FAM163B: variants seen among roughly 807,000 people sequenced by gnomAD.
FAM163B encodes protein FAM163B.
Under a neutral mutation model 7.6 loss-of-function variants are expected in FAM163B, and 4 were observed. The ratio of observed to expected loss-of-function variants is 0.52; its 90% CI spans 0.26 to 1.20. The LOEUF (loss-of-function observed/expected upper bound fraction) is 1.20, where lower values mean the gene tolerates loss of function less well. FAM163B is among the 50% of genes most tolerant of loss of function. FAM163B has a pLI of 0.14. For missense variants in FAM163B, 250 were observed against 243.0 expected (o/e 1.03, Z -0.19); for synonymous variants, 120 against 111.6 (o/e 1.07, Z -0.47).
rs1588318260 is a variant in FAM163B, at chr9:133,578,026, T to C, written c.*996A>G. ...TGCAACTCTGTCTCCCTTGGGGATCTCAGTTCCTGTTGAGACCCACAGCCT... is the reference window on the plus strand; with the variant it reads ...TGCAACTCTGTCTCCCTTGGGGATCCCAGTTCCTGTTGAGACCCACAGCCT... On this transcript the variant is annotated 3_prime_UTR_variant, in exon 3 of 3. Coordinates refer to ENST00000673969, the MANE Select transcript of FAM163B (RefSeq NM_001080515.3). Among the ~76,000 whole-genome samples the C allele has an allele frequency of 6.6e-6, 1 of 152,118 alleles. No individual in the cohort carries two copies. The highest frequency in any genetic ancestry group is 2.4e-5 in the African/African-American group (1 of 41,418).
chr9:133,582,056 T>C (rs1422271263), intron 1 of FAM163B, among the ~76,000 whole-genome samples: 1 of 152,232 alleles, frequency 6.6e-6, no homozygotes, highest in Non-Finnish European at 1.5e-5. Context: ...TACCCTAGCA[T>C]GCGGCCTGCA....
Position 133,600,286 on chromosome 9 carries a change from T to C in FAM163B, c.-24+8791A>G, listed in dbSNP as rs1275980734. Among the ~76,000 whole-genome samples, 2 of 150,964 alleles carry C rather than the reference T, an allele frequency of 1.3e-5. No individual in the cohort carries two copies. The highest frequency in any genetic ancestry group is 3.0e-5 in the Non-Finnish European group (2 of 67,672). ...GTGTGTGTGTGTGTGTGTGTGTGTGTGTGTGTGTGTAGTGCTGAGAGTGGA... is the reference window on the plus strand; with the variant it reads ...GTGTGTGTGTGTGTGTGTGTGTGTGCGTGTGTGTGTAGTGCTGAGAGTGGA... On this transcript the variant is annotated intron_variant, in intron 1 of 2. Transcript: ENST00000673969. This position sits in a 1 kb window ranked among gnomAD's most constrained non-coding sequence, Gnocchi z 4.9.
At chr9:133,599,161 G>T (rs1307854302) in intron 1 of FAM163B, among the ~76,000 whole-genome samples, 2 of 152,124 alleles carry the variant, frequency 1.3e-5, no homozygotes, top group Non-Finnish European at 2.9e-5. Flanking sequence ...GCCTTTAAAT[G>T]CCTCACCTGC....
At position 133,600,562 on chromosome 9, in the gene FAM163B, G is replaced by A. The variant is rs1447265451; in HGVS notation, c.-24+8515C>T. The stretch of plus-strand genomic sequence containing the variant: ...AAAGCTGGGCCCAGCTTGTTCCCTG[G>A]AGCTTTCGATGGGGTCTGCAGTGGG... On this transcript the variant is annotated intron_variant, in intron 1 of 2. Transcript: ENST00000673969. This position sits in a 1 kb window ranked among gnomAD's most constrained non-coding sequence, Gnocchi z 4.9. Among the ~76,000 whole-genome samples the A allele has an allele frequency of 2.0e-5, 3 of 152,076 alleles. No individual in the cohort carries two copies. The highest frequency in any genetic ancestry group is 7.2e-5 in the African/African-American group (3 of 41,392).
At chr9:133,599,275 A>T (rs1382044460) in intron 1 of FAM163B, among the ~76,000 whole-genome samples, 1 of 152,152 alleles carries the variant, frequency 6.6e-6, no homozygotes, top group Admixed American at 6.5e-5. Flanking sequence ...CTCAGCTCTC[A>T]GCTCAGACGT....
At chr9:133,597,151 A>T (rs115991957) in intron 1 of FAM163B, among the ~76,000 whole-genome samples, 1 of 152,232 alleles carries the variant, frequency 6.6e-6, no homozygotes, top group African/African-American at 2.4e-5. Flanking sequence ...CAGAAAATCA[A>T]TTCATTGGAA....
chr9:133,593,264 G>A (rs1831581979), intron 1 of FAM163B, among the ~76,000 whole-genome samples: 1 of 152,222 alleles, frequency 6.6e-6, no homozygotes, highest in Non-Finnish European at 1.5e-5. Flanking sequence ...TTCTTGCTCA[G>A]CCAACCAAGC....
intron 1 of FAM163B, among the ~76,000 whole-genome samples, chr9:133,607,844 C>G (rs979990033): frequency 1.3e-5 from 2 of 152,184 alleles, no homozygotes; most frequent in Non-Finnish European, 2.9e-5. Flanking sequence ...CTGCCAGCAC[C>G]TAAGCTGTTT....
At position 133,606,826 on chromosome 9, in the gene FAM163B, C is replaced by T. The variant is rs183411995; in HGVS notation, c.-24+2251G>A. ...GAGATGTAATACATCTCTCCCCTCC[C>T]GAGTGCTGTAATTATTCCTCGCTGG... On this transcript the variant is annotated intron_variant, in intron 1 of 2. Transcript: ENST00000673969. This position sits in a 1 kb window ranked among gnomAD's most constrained non-coding sequence, Gnocchi z 4.0. Among the ~76,000 whole-genome samples the T allele has an allele frequency of 7.4e-4, 113 of 152,282 alleles. No homozygotes were observed. The highest frequency in any genetic ancestry group is 2.0e-3 in the Admixed American group (31 of 15,296).
At position 133,596,167 on chromosome 9, in the gene FAM163B, C is replaced by T. The variant is rs7046590; in HGVS notation, c.-24+12910G>A. On this transcript the variant is annotated intron_variant, in intron 1 of 2. Coordinates refer to ENST00000673969, the MANE Select transcript of FAM163B (RefSeq NM_001080515.3). ...ATGGGGGGATGAGTGGGAGGGAGCA[C>T]CAATAGGGCTTGTTGGTGGTTTGAT... 2.2e-3 allele frequency among the ~76,000 whole-genome samples: 335 copies of T among 152,064 alleles called. 3 individuals carry two copies. The highest frequency in any genetic ancestry group is 7.7e-3 in the African/African-American group (318 of 41,450).
intron 1 of FAM163B, among the ~76,000 whole-genome samples, chr9:133,602,535 C>T (rs945950633): frequency 4.6e-5 from 7 of 152,034 alleles, no homozygotes; most frequent in Non-Finnish European, 7.3e-5. Context: ...GCGAACAGGA[C>T]GGCTCAGCCC....
chr9:133,582,897 T>C (rs1385952157), intron 1 of FAM163B, among the ~76,000 whole-genome samples: 3 of 152,126 alleles, frequency 2.0e-5, no homozygotes, highest in African/African-American at 7.2e-5. Flanking sequence ...AAGGCGCTGG[T>C]CCCCGGAGGG....
chr9:133,597,278 C>A (rs139619414), intron 1 of FAM163B, among the ~76,000 whole-genome samples: 1 of 152,036 alleles, frequency 6.6e-6, no homozygotes, highest in African/African-American at 2.4e-5. Context: ...GAAGTAGAGA[C>A]ATAGAAGATA....
chr9:133,591,128 T>C, intron 1 of FAM163B, among the ~76,000 whole-genome samples: 1 of 152,158 alleles, frequency 6.6e-6, no homozygotes, highest in Non-Finnish European at 1.5e-5. Flanking sequence ...GCCTCCCTTC[T>C]GGGTCTACCT....
chr9:133,590,230 T>TTCTCTCTCCTTCCTTCCTTC (rs1332252199), intron 1 of FAM163B, among the ~76,000 whole-genome samples: 6 of 144,922 alleles, frequency 4.1e-5, no homozygotes, highest in South Asian at 2.3e-4. Flanking sequence ...CCTTCCTTCC[T>TTCTCTCTCCTTCCTTCCTTC]TCTCTCTCCT....
intron 1 of FAM163B, among the ~76,000 whole-genome samples, chr9:133,602,462 C>A (rs1274540536): frequency 6.6e-6 from 1 of 152,130 alleles, no homozygotes; most frequent in Non-Finnish European, 1.5e-5. Context: ...TCCACCAATG[C>A]TAACCCCTCC....
intron 1 of FAM163B, among the ~76,000 whole-genome samples, chr9:133,587,465 C>T (rs969428586): frequency 3.3e-5 from 5 of 152,200 alleles, no homozygotes; most frequent in African/African-American, 1.2e-4. Context: ...AACCGTAGGG[C>T]AGGACAGGGA....
At chr9:133,597,888 G>GA (rs565341025) in intron 1 of FAM163B, among the ~76,000 whole-genome samples, 6 of 151,560 alleles carry the variant, frequency 4.0e-5, no homozygotes, top group Non-Finnish European at 5.9e-5. Flanking sequence ...TCCAGAAAAA[G>GA]AAAAAAAACC....
In FAM163B at chr9:133,599,657, GTC is replaced by G. The variant is rs377159258; in HGVS notation, c.-24+9418_-24+9419del. Among the ~76,000 whole-genome samples, 395 of 151,716 alleles carry G rather than the reference GTC, an allele frequency of 2.6e-3. 4 individuals carry two copies. In the East Asian group the frequency reaches 0.039, roughly 15 times the overall value. On this transcript the variant is annotated intron_variant, in intron 1 of 2. Coordinates refer to ENST00000673969, the MANE Select transcript of FAM163B (RefSeq NM_001080515.3). ...GTGTAAGTGTGCATGTGTTAGTTGT[GTC>G]TGTGTATATGTGTGCATATGTGTCA...
Sources: allele counts gnomAD v4.1 joint callset (sites outside exome capture counted in the v4.1 genomes callset), GRCh38; gene constraint gnomAD v4.1.1; non-coding constraint Gnocchi (gnomAD v3.1); transcripts MANE v1.5; gene names NCBI Gene and HGNC (gene_info 2026-07-23, HGNC 2026-07-21).